RELN: variants seen among roughly 807,000 people sequenced by gnomAD.
RELN encodes the protein reelin.
A neutral mutation model predicts 427.6 loss-of-function variants in RELN; 108 were observed. The ratio of observed to expected loss-of-function variants is 0.25; its 90% CI spans 0.22 to 0.30. RELN has a LOEUF of 0.30. Among genes scored for constraint, RELN ranks in the 10% least tolerant of loss-of-function variants. The pLI, the probability that RELN is intolerant of heterozygous loss-of-function variation, is 1.00. For synonymous variants in RELN, 1,524 were observed against 1,513.4 expected, an observed-to-expected ratio of 1.01 and a Z score of -0.16; for missense variants, 3,715 against 4,302.8, an observed-to-expected ratio of 0.86 and a Z score of 3.82.
chr7:103,938,437 A>G (rs1464193391), intron 1 of RELN, among the ~76,000 whole-genome samples: 1 of 152,238 alleles, frequency 6.6e-6, no homozygotes, highest in Admixed American at 6.5e-5. Flanking sequence ...CTGAATAGCC[A>G]ACTGTAAAAC....
rs79052881 is a variant in RELN at position 103,730,114 on chromosome 7, G to C, written c.657-1907C>G. On this transcript the variant is annotated intron_variant, in intron 6 of 64. Coordinates refer to ENST00000428762, the MANE Select transcript of RELN (RefSeq NM_005045.4). ...CTTAAGAGAAACATCAACTTTGACAGAGAAAAAAAGTAAAAGAATGTTCAA... is the reference window on the plus strand; with the variant it reads ...CTTAAGAGAAACATCAACTTTGACACAGAAAAAAAGTAAAAGAATGTTCAA... Among the ~76,000 whole-genome samples, 1,471 of 151,992 alleles carry C rather than the reference G, an allele frequency of 9.7e-3. 27 individuals carry two copies. The highest frequency in any genetic ancestry group is 0.033 in the African/African-American group (1,388 of 41,484).
At chr7:103,734,501 C>T (rs1790442557) in intron 6 of RELN, among the ~76,000 whole-genome samples, 1 of 152,144 alleles carries the variant, frequency 6.6e-6, no homozygotes, top group African/African-American at 2.4e-5. Context: ...GATTAAAAGA[C>T]ATTTTAAGGG....
At position 103,472,908 on chromosome 7, in the gene RELN, G is replaced by C; in HGVS notation, c.10287C>G (p.Ser3429Arg). 6.2e-7 allele frequency: 1 copy of C among 1,612,880 alleles called. No homozygotes were observed. Among genetic ancestry groups the C allele is most frequent in the Non-Finnish European group, 8.5e-7 (1 of 1,178,878 alleles). ...ALDHVEVVLV[S>R]TRKQNYMMNF... is the part of the protein sequence containing the mutation. ...TCATCATGTAATTTTGTTTGCGAGT[G>C]CTGTTAAAATCAAACAGGATAGAGG... Residue 3429 changes from serine (S) to arginine (R), a missense_variant and splice_region_variant, in exon 65 of 65, where the codon AGC becomes AGG. Ser to Arg is a moderately radical substitution (Grantham distance 110, BLOSUM62 -1). Transcript: ENST00000428762.
intron 1 of RELN, among the ~76,000 whole-genome samples, chr7:103,962,967 C>A (rs916954597): frequency 3.3e-5 from 5 of 151,990 alleles, no homozygotes; most frequent in African/African-American, 1.2e-4. Context: ...AGGGAAGACA[C>A]TGGGGAAAGG....
In RELN at chr7:103,566,267, G is replaced by C. The variant is rs201296719; in HGVS notation, c.4893C>G (p.Asp1631Glu). 103 of 1,613,948 alleles carry C rather than the reference G, an allele frequency of 6.4e-5. 1 individual carries two copies. Among genetic ancestry groups the C allele is most frequent in the Admixed American group, 3.0e-4 (18 of 60,018 alleles). ...YRIQGGQVDIDCLSMDTALIF... is the reference protein window; with the variant it reads ...YRIQGGQVDIECLSMDTALIF... ...TCAGAGCAGTATCCATAGAGAGACA[G>C]TCAATATCAACTTGACCTCCTTGGA... is the stretch of plus-strand genomic sequence containing the variant. The change falls in exon 33 of 65, where the codon GAC (aspartate) becomes GAG (glutamate). Residue 1631 changes from aspartate to glutamate, a missense_variant. Physicochemically the swap from Asp to Glu is conservative, Grantham distance 45. Around this residue, in one of 4 missense-constraint regions of RELN, gnomAD observed 2,208 missense variants for 2,361.7 expected, o/e 0.93. Coordinates refer to ENST00000428762, the MANE Select transcript of RELN (RefSeq NM_005045.4).
At chr7:103,611,337 A>C (rs1831949696) in intron 21 of RELN, among the ~76,000 whole-genome samples, 1 of 152,192 alleles carries the variant, frequency 6.6e-6, no homozygotes, top group African/African-American at 2.4e-5. Context: ...GATAGAGAAA[A>C]TAATACTCAA....
intron 2 of RELN, among the ~76,000 whole-genome samples, chr7:103,878,099 T>C (rs1159471455): frequency 6.6e-6 from 1 of 152,038 alleles, no homozygotes; most frequent in African/African-American, 2.4e-5. Context: ...TCAGGTGATC[T>C]GCCCACCTTG....
At chr7:103,730,281 A>G (rs967367895) in intron 6 of RELN, among the ~76,000 whole-genome samples, 62 of 152,062 alleles carry the variant, frequency 4.1e-4, no homozygotes, top group African/African-American at 1.5e-3. Flanking sequence ...TTCCAAATCA[A>G]CTATTTATCA....
At chr7:103,879,368 G>A (rs1794555428) in intron 2 of RELN, among the ~76,000 whole-genome samples, 1 of 152,212 alleles carries the variant, frequency 6.6e-6, no homozygotes, top group Non-Finnish European at 1.5e-5. Flanking sequence ...GTCAGGCAGA[G>A]ATAACTGGAG....
At chr7:103,551,334 G>C in intron 40 of RELN, 38 bp from the exon 41 acceptor site, 1 of 1,426,676 alleles carries the variant, frequency 7.0e-7, no homozygotes, top group Non-Finnish European at 9.8e-7. Context: ...AATTACCTCA[G>C]AGCAACAAGC....
chr7:103,518,505 G>GT (rs58239018), intron 49 of RELN, among the ~76,000 whole-genome samples: 5,506 of 114,232 alleles, frequency 0.048, 265 homozygotes, highest in Non-Finnish European at 0.057. Context: ...GGTAATTTAA[G>GT]TTTTTTTTTT....
intron 10 of RELN, among the ~76,000 whole-genome samples, chr7:103,683,957 C>T (rs1833708099): frequency 6.6e-6 from 1 of 152,134 alleles, no homozygotes; most frequent in African/African-American, 2.4e-5. Context: ...CTAAGGAGAT[C>T]AAGATATGAT....
At position 103,989,478 on chromosome 7, in the gene RELN, C is replaced by G. The variant is rs1286070956; in HGVS notation, c.-122G>C. ...GAGAAGAAGGCGGACGGGAGCGGAACGGGCTCGGGAGCGGGCCTGGGAGCG... is the reference window on the plus strand; with the variant it reads ...GAGAAGAAGGCGGACGGGAGCGGAAGGGGCTCGGGAGCGGGCCTGGGAGCG... On this transcript the variant is annotated 5_prime_UTR_variant, in exon 1 of 65. Transcript: ENST00000428762. This position sits in a 1 kb window ranked among gnomAD's most constrained non-coding sequence, Gnocchi z 4.9. The G allele has an allele frequency of 2.3e-6, 2 of 866,026 alleles. No homozygotes were observed. Among genetic ancestry groups the G allele is most frequent in the Admixed American group, 4.0e-5 (1 of 25,096 alleles). 53.6% of individuals were successfully genotyped at this position (866,026 alleles called of 1,614,324 possible). A position where few individuals can be genotyped will look rare whatever the true frequency, so the allele number is the denominator to read the frequency against.
At chr7:103,801,797 G>T (rs1191218284) in intron 3 of RELN, among the ~76,000 whole-genome samples, 1 of 151,870 alleles carries the variant, frequency 6.6e-6, no homozygotes. Flanking sequence ...TAATGGTGAA[G>T]GTTTAAAGAA....
At chr7:103,767,233 T>C (rs1791449282) in intron 4 of RELN, among the ~76,000 whole-genome samples, 1 of 152,234 alleles carries the variant, frequency 6.6e-6, no homozygotes, top group Admixed American at 6.5e-5. Context: ...TATGTGTTCT[T>C]TCCAAGGTTT....
In RELN at chr7:103,905,816, C is replaced by T. The variant is rs116717792; in HGVS notation, c.337+11259G>A. Among the ~76,000 whole-genome samples the T allele has an allele frequency of 6.2e-3, 943 of 152,062 alleles. 11 individuals carry two copies. The highest frequency in any genetic ancestry group is 0.021 in the African/African-American group (881 of 41,474). On this transcript the variant is annotated intron_variant, in intron 2 of 64. Coordinates refer to ENST00000428762, the MANE Select transcript of RELN (RefSeq NM_005045.4). Reference sequence around the variant, plus strand: ...TTGTTAGAGGTGACTGGTGGAGGTCCGAGAAGACGGAGAAGCACAGAGGAG... The same window carrying T: ...TTGTTAGAGGTGACTGGTGGAGGTCTGAGAAGACGGAGAAGCACAGAGGAG...
chr7:103,621,810 G>A (rs1161872011), intron 20 of RELN, among the ~76,000 whole-genome samples: 1 of 152,196 alleles, frequency 6.6e-6, no homozygotes, highest in Admixed American at 6.6e-5. Flanking sequence ...GAGGCCAGGA[G>A]TTTGAGACCA....
At chr7:103,806,762 T>G (rs984085741) in intron 3 of RELN, among the ~76,000 whole-genome samples, 1 of 152,192 alleles carries the variant, frequency 6.6e-6, no homozygotes, top group Non-Finnish European at 1.5e-5. Flanking sequence ...ATCTTCTTCT[T>G]GGCCTTAAAA....
At chr7:103,549,262 G>A (rs1753699155) in intron 41 of RELN, among the ~76,000 whole-genome samples, 2 of 152,196 alleles carry the variant, frequency 1.3e-5, no homozygotes, top group African/African-American at 4.8e-5. Flanking sequence ...GCACCTCAGT[G>A]TCTGGTGAGG....
Sources: gnomAD v4.1 joint callset for allele counts (sites outside exome capture counted in the v4.1 genomes callset) on GRCh38, gnomAD v4.1.1 for gene constraint, gnomAD v4.1.1 regional missense constraint, Gnocchi (gnomAD v3.1) non-coding constraint, MANE v1.5 for transcripts, NCBI Gene and HGNC (gene_info 2026-07-23, HGNC 2026-07-21) for gene names.